FAM53C: variants seen among roughly 807,000 people sequenced by gnomAD.
FAM53C encodes the protein protein FAM53C.
FAM53C carries 10 observed loss-of-function variants against 34.7 expected under a neutral mutation model. The ratio of observed to expected loss-of-function variants is 0.29; its 90% CI spans 0.18 to 0.49. The LOEUF is 0.49. Among genes scored for constraint, FAM53C ranks in the 20% least tolerant of loss-of-function variants. The pLI is 0.99. For synonymous variants in FAM53C, 203 were observed against 203.6 expected (o/e 1.00, Z 0.03); for missense variants, 442 against 515.3 (o/e 0.86, Z 1.38).
chr5:138,344,964 C>T lies in FAM53C; in HGVS notation c.276C>T (p.Phe92=). The T allele has an allele frequency of 1.2e-6, 2 of 1,614,142 alleles. No individual in the cohort carries two copies. Among genetic ancestry groups the T allele is most frequent in the Non-Finnish European group, 1.7e-6 (2 of 1,180,020 alleles). The stretch of plus-strand genomic sequence containing the variant: ...GAAACTCCCCCAAGGAGCAGCCCTT[C>T]TCCCAAGTCCTAAGACCTGAGCCCC... ...SRGNSPKEQP[F]SQVLRPEPPD... is the part of the protein sequence containing the mutation. Residue 92 remains phenylalanine, a synonymous_variant, in exon 4 of 5, where the codon TTC becomes TTT. Transcript: ENST00000239906.
intron 3 of FAM53C, among the ~76,000 whole-genome samples, chr5:138,343,385 C>T (rs1580856157): frequency 6.6e-6 from 1 of 151,938 alleles, no homozygotes; most frequent in Non-Finnish European, 1.5e-5. Flanking sequence ...TGGCAGGCGC[C>T]TGTAATCCCA....
chr5:138,345,339 T>A lies in FAM53C; in HGVS notation c.651T>A (p.Ser217Arg), dbSNP rs771338958. 7 of 1,613,656 alleles carry A rather than the reference T, an allele frequency of 4.3e-6. No homozygotes were observed. Among genetic ancestry groups the A allele is most frequent in the African/African-American group, 1.3e-5 (1 of 74,758 alleles). ...AASPQSGSWE[S>R]DAESLSPCPP... Reference sequence around the variant, plus strand: ...CCCCTCAAAGTGGCTCCTGGGAGAGTGATGCTGAGTCCTTGTCACCTTGCC... The same window carrying A: ...CCCCTCAAAGTGGCTCCTGGGAGAGAGATGCTGAGTCCTTGTCACCTTGCC... The change falls in exon 4 of 5, where the codon AGT (serine) becomes AGA (arginine). Residue 217 changes from serine to arginine, a missense_variant. Ser to Arg is a moderately radical substitution (Grantham distance 110). Transcript: ENST00000239906. This position sits in a 1 kb window ranked among gnomAD's most constrained non-coding sequence, Gnocchi z 6.3.
At chr5:138,338,482 T>C in intron 1 of FAM53C, 175 bp downstream of exon 1, 1 of 308,056 alleles carries the variant, frequency 3.2e-6, no homozygotes, top group South Asian at 2.4e-5. Context: ...GAGTGCTAAG[T>C]CCCAGACCCT....
rs921969722 is a variant in FAM53C at position 138,348,479 on chromosome 5, A to C, written c.*1520A>C. The C allele has an allele frequency of 2.6e-5, 4 of 152,168 alleles. No individual in the cohort carries two copies. The highest frequency in any genetic ancestry group is 5.9e-5 in the Non-Finnish European group (4 of 68,040). The allele number at this position is 152,168 out of a possible 1,614,324, so 9.4% of individuals were successfully genotyped here. A position where few individuals can be genotyped will look rare whatever the true frequency, so the allele number is the denominator to read the frequency against. Reference sequence around the variant, plus strand: ...AATTTGACCTGCCCTTGTTTATGGCAAGAAGGGCATTTTTCTCTTCAATTT... The same window carrying C: ...AATTTGACCTGCCCTTGTTTATGGCCAGAAGGGCATTTTTCTCTTCAATTT... On this transcript the variant is annotated 3_prime_UTR_variant, in exon 5 of 5. Transcript: ENST00000239906.
In FAM53C at chr5:138,345,654, CTG is replaced by C; in HGVS notation, c.921+47_921+48del. On this transcript the variant is annotated intron_variant, in intron 4 of 4. Transcript: ENST00000239906. The surrounding 1 kb of genome is among the most constrained non-coding windows in gnomAD (Gnocchi z 6.3). Reference sequence around the variant, plus strand: ...GGGAGCTTAGATGGGAGTGTGGGGACTGTTCTGTTTCCACTTTTGAGCTAGCC... The same window carrying C: ...GGGAGCTTAGATGGGAGTGTGGGGACTTCTGTTTCCACTTTTGAGCTAGCC... 6.4e-7 allele frequency: 1 copy of C among 1,569,456 alleles called. No individual in the cohort carries two copies. The highest frequency in any genetic ancestry group is 8.7e-7 in the Non-Finnish European group (1 of 1,156,018).
chr5:138,338,272 G>C lies in FAM53C; in HGVS notation c.-188G>C. The stretch of plus-strand genomic sequence containing the variant: ...TGGGGCGAACCGAGCGCTCAGAGCT[G>C]CTCCGGCCGCGGCCCTGGGAGCTGG... On this transcript the variant is annotated 5_prime_UTR_variant, in exon 1 of 5. Coordinates refer to ENST00000239906, the MANE Select transcript of FAM53C (RefSeq NM_016605.3). 1 of 946,096 alleles carries C rather than the reference G, an allele frequency of 1.1e-6. No individual in the cohort carries two copies. Among genetic ancestry groups the C allele is most frequent in the Non-Finnish European group, 1.5e-6 (1 of 675,754 alleles). 58.6% of individuals were successfully genotyped at this position (946,096 alleles called of 1,614,324 possible).
rs1761150324 is a variant in FAM53C, at chr5:138,345,570, G to T, written c.882G>T (p.Arg294=). 1 of 1,613,664 alleles carries T rather than the reference G, an allele frequency of 6.2e-7. No homozygotes were observed. Among genetic ancestry groups the T allele is most frequent in the South Asian group, 1.1e-5 (1 of 91,060 alleles). ...AGCGGCGCCACGAGGAAGACCCCCG[G>T]CGTCTGCGGCCTTCGTTGGACTTTG... ...GVKRRHEEDP[R]RLRPSLDFDK... is the part of the protein sequence containing the mutation. Residue 294 remains arginine (R), a synonymous_variant, in exon 4 of 5, where the codon CGG becomes CGT. Coordinates refer to ENST00000239906, the MANE Select transcript of FAM53C (RefSeq NM_016605.3). The surrounding 1 kb of genome is among the most constrained non-coding windows in gnomAD (Gnocchi z 6.3).
At chr5:138,339,381 C>G (rs564421568) in intron 1 of FAM53C, among the ~76,000 whole-genome samples, 2 of 152,326 alleles carry the variant, frequency 1.3e-5, no homozygotes, top group Non-Finnish European at 2.9e-5. Context: ...CTGAGAGTAT[C>G]AGTTGCGTGG....
intron 3 of FAM53C, chr5:138,343,689 C>T (rs1485170918): frequency 6.6e-6 from 1 of 152,174 alleles, no homozygotes; most frequent in Non-Finnish European, 1.5e-5. Flanking sequence ...AATCAGAACT[C>T]CCTAACTCGT....
chr5:138,339,221 G>C (rs1275679439), intron 1 of FAM53C, among the ~76,000 whole-genome samples: 3 of 152,224 alleles, frequency 2.0e-5, no homozygotes, highest in African/African-American at 7.2e-5. Flanking sequence ...AAGGCGGCAA[G>C]AGAGGGCTTC....
At chr5:138,341,449 C>A (rs760734205) in intron 2 of FAM53C, 36 bp downstream of exon 2, 2 of 1,559,288 alleles carry the variant, frequency 1.3e-6, no homozygotes, top group African/African-American at 1.4e-5. Flanking sequence ...CCACGACCCC[C>A]TCCCCCTTTT....
chr5:138,342,179 C>T (rs1296497819), intron 3 of FAM53C: 6 of 328,150 alleles, frequency 1.8e-5, no homozygotes, highest in Non-Finnish European at 3.3e-5. Context: ...TCTCCCGTTC[C>T]CTATCTACCC....
chr5:138,338,224 G>T, upstream of FAM53C: 1 of 1,255,604 alleles, frequency 8.0e-7, no homozygotes, highest in Non-Finnish European at 1.0e-6. Context: ...GTTGGTTCGC[G>T]CCAGCGCCTT....
intron 1 of FAM53C, among the ~76,000 whole-genome samples, chr5:138,339,405 G>A (rs1476951492): frequency 6.6e-6 from 1 of 152,192 alleles, no homozygotes; most frequent in Non-Finnish European, 1.5e-5. Flanking sequence ...TAGTTGCATT[G>A]TTCCAATTAC....
chr5:138,346,355 G>T (rs565923143), intron 4 of FAM53C, among the ~76,000 whole-genome samples: 56 of 152,366 alleles, frequency 3.7e-4, no homozygotes, highest in Middle Eastern at 3.4e-3. Context: ...GCCAGGCATG[G>T]TGGCTAACGC....
rs1183693754 is a variant in FAM53C at position 138,341,832 on chromosome 5, C to G, written c.102C>G (p.Ile34Met). The G allele has an allele frequency of 6.2e-7, 1 of 1,614,204 alleles. No individual in the cohort carries two copies. ...AGCCTTTGCCTGATCATGCAGACATCTCCAACTGTGGGAACTCTTTCCAGC... is the reference window on the plus strand; with the variant it reads ...AGCCTTTGCCTGATCATGCAGACATGTCCAACTGTGGGAACTCTTTCCAGC... ...ISLPLPDHADISNCGNSFQLV... is the reference protein window; with the variant it reads ...ISLPLPDHADMSNCGNSFQLV... The change falls in exon 3 of 5, where the codon ATC becomes ATG. Residue 34 changes from isoleucine (I) to methionine (M), a missense_variant. Physicochemically the swap from Ile to Met is conservative, Grantham distance 10. Coordinates refer to ENST00000239906, the MANE Select transcript of FAM53C (RefSeq NM_016605.3).
Position 138,347,589 on chromosome 5 carries a change from G to A in FAM53C, c.*630G>A, listed in dbSNP as rs748279312. 4 of 154,264 alleles carry A rather than the reference G, an allele frequency of 2.6e-5. No individual in the cohort carries two copies. The highest frequency in any genetic ancestry group is 1.9e-4 in the East Asian group (1 of 5,184). 9.6% of individuals were successfully genotyped at this position (154,264 alleles called of 1,614,324 possible). On this transcript the variant is annotated 3_prime_UTR_variant, in exon 5 of 5. Coordinates refer to ENST00000239906, the MANE Select transcript of FAM53C (RefSeq NM_016605.3). ...CAGGCTTGTAATCCATAGCATCACC[G>A]ACTCTGCAAAGGATTTCATTTTGGG...
In FAM53C at chr5:138,346,682, CTTCTT is replaced by C; in HGVS notation, c.922-18_922-14del. On this transcript the variant is annotated splice_polypyrimidine_tract_variant and intron_variant, in intron 4 of 4. Transcript: ENST00000239906. Reference sequence around the variant, plus strand: ...AATTCTTGCCTTCAGGTGTAACTGTCTTCTTTGTTTGTTTGACAGAAACCATACTC... The same window carrying C: ...AATTCTTGCCTTCAGGTGTAACTGTCTGTTTGTTTGACAGAAACCATACTC... 2.5e-6 allele frequency: 4 copies of C among 1,613,770 alleles called. No homozygotes were observed. The highest frequency in any genetic ancestry group is 3.4e-6 in the Non-Finnish European group (4 of 1,179,912).
At chr5:138,339,417 A>G (rs1274072025) in intron 1 of FAM53C, among the ~76,000 whole-genome samples, 3 of 152,160 alleles carry the variant, frequency 2.0e-5, no homozygotes, top group Non-Finnish European at 1.5e-5. Flanking sequence ...TCCAATTACC[A>G]CTGTGTGTGG....
Sources: gnomAD v4.1 joint callset for allele counts (sites outside exome capture counted in the v4.1 genomes callset) on GRCh38, gnomAD v4.1.1 for gene constraint, Gnocchi (gnomAD v3.1) non-coding constraint, MANE v1.5 for transcripts, NCBI Gene and HGNC (gene_info 2026-07-23, HGNC 2026-07-21) for gene names.